TMEM170A: variants seen among roughly 807,000 people sequenced by gnomAD.
TMEM170A encodes the protein transmembrane protein 170A, also known as transmembrane protein 170.
Under a neutral mutation model 12.8 loss-of-function variants are expected in TMEM170A, and 18 were observed. That is an observed-to-expected ratio of 1.41 (90% CI 0.97 to 2.09). The LOEUF is 2.09. TMEM170A is among the 30% of genes most tolerant of loss of function. The pLI, the probability that TMEM170A is intolerant of heterozygous loss-of-function variation, is 0.00. For synonymous variants in TMEM170A, 107 were observed against 76.2 expected (o/e 1.40, Z -2.11); for missense variants, 220 against 179.9 (o/e 1.22, Z -1.28).
intron 1 of TMEM170A, chr16:75,464,165 G>A (rs1418599753): frequency 9.7e-6 from 14 of 1,448,714 alleles, no homozygotes; most frequent in Middle Eastern, 2.4e-4. Flanking sequence ...TGAACCTGAG[G>A]CGCTCGGAAG....
At chr16:75,458,355 A>C (rs1437547870) in intron 1 of TMEM170A, 1 of 152,242 alleles carries the variant, frequency 6.6e-6, no homozygotes, top group Non-Finnish European at 1.5e-5. Context: ...AGATTAACCC[A>C]CATGGGAAAA....
At chr16:75,459,472 T>C (rs541236813) in intron 1 of TMEM170A, among the ~76,000 whole-genome samples, 2 of 152,308 alleles carry the variant, frequency 1.3e-5, no homozygotes, top group East Asian at 3.9e-4. Context: ...TCTCATCTTG[T>C]GTTTCAGTGA....
chr16:75,463,189 G>A lies in TMEM170A; in HGVS notation c.133+1279C>T, dbSNP rs141418119. Among the ~76,000 whole-genome samples the A allele has an allele frequency of 6.5e-3, 984 of 152,252 alleles. 8 individuals are homozygous for A. The highest frequency in any genetic ancestry group is 0.017 in the Middle Eastern group (5 of 294). ...TGTTTGGCAGGCTTGACATTTTTCAGGAAAGGGGAAAATTAAGGAAACAAA... is the reference window on the plus strand; with the variant it reads ...TGTTTGGCAGGCTTGACATTTTTCAAGAAAGGGGAAAATTAAGGAAACAAA... On this transcript the variant is annotated intron_variant, in intron 1 of 2. Coordinates refer to ENST00000561878, the MANE Select transcript of TMEM170A (RefSeq NM_145254.3).
At chr16:75,463,460 A>C (rs572338063) in intron 1 of TMEM170A, among the ~76,000 whole-genome samples, 2 of 152,194 alleles carry the variant, frequency 1.3e-5, no homozygotes, top group Non-Finnish European at 2.9e-5. Context: ...CCCTGGGCAC[A>C]TAACACTGCA....
At chr16:75,451,949 CCTT>C (rs2079695215) in intron 1 of TMEM170A, 110 bp from the exon 2 acceptor site, 1 of 1,071,730 alleles carries the variant, frequency 9.3e-7, no homozygotes, top group South Asian at 1.8e-5. Flanking sequence ...TTTCTTTTTT[CCTT>C]TTTTTTGAAA....
At position 75,445,885 on chromosome 16, in the gene TMEM170A, G is replaced by A. The variant is rs1258584635; in HGVS notation, c.*1673C>T. ...ACAATGAAAACTTTCCTTTAAAGAT[G>A]TCAGATTTATGGCCAGGCGCGGTGG... is the stretch of plus-strand genomic sequence containing the variant. On this transcript the variant is annotated 3_prime_UTR_variant, in exon 3 of 3. Transcript: ENST00000561878. The A allele has an allele frequency of 1.3e-5, 2 of 152,126 alleles. No homozygotes were observed. Among genetic ancestry groups the A allele is most frequent in the African/African-American group, 4.8e-5 (2 of 41,438 alleles). The allele number at this position is 152,126 out of a possible 1,614,324, so 9.4% of individuals were successfully genotyped here.
At position 75,443,312 on chromosome 16, in the gene TMEM170A, A is replaced by T. The variant is rs2079532123; in HGVS notation, c.*4246T>A. ...AAATGTCAGTAGAAAAATAAAATTT[A>T]AATAATTTTCTATTGTACAAAGATT... On this transcript the variant is annotated 3_prime_UTR_variant, in exon 3 of 3. Transcript: ENST00000561878. The T allele has an allele frequency of 6.6e-6, 1 of 152,238 alleles. No individual in the cohort carries two copies. 9.4% of individuals were successfully genotyped at this position (152,238 alleles called of 1,614,324 possible).
Position 75,464,639 on chromosome 16 carries a change from C to A in TMEM170A, c.-39G>T, listed in dbSNP as rs570975426. 6.4e-7 allele frequency: 1 copy of A among 1,553,062 alleles called. No individual in the cohort carries two copies. The highest frequency in any genetic ancestry group is 8.7e-7 in the Non-Finnish European group (1 of 1,155,422). ...ACCACAGAGAAATGAGGGACGAGCG[C>A]CCGAAGTGCGGTAGCGGCCGGCGCC... On this transcript the variant is annotated 5_prime_UTR_variant, in exon 1 of 3. Transcript: ENST00000561878.
chr16:75,456,538 T>G (rs2079801121), intron 1 of TMEM170A, among the ~76,000 whole-genome samples: 2 of 152,168 alleles, frequency 1.3e-5, no homozygotes. Flanking sequence ...CAATCAGAAA[T>G]TGAGGGCAGG....
In TMEM170A at chr16:75,464,509, C is replaced by G; in HGVS notation, c.92G>C (p.Gly31Ala). The change falls in exon 1 of 3, where the codon GGG becomes GCG. Residue 31 changes from glycine (G) to alanine (A), a missense_variant. Physicochemically the swap from Gly to Ala is moderately conservative, Grantham distance 60. Coordinates refer to ENST00000561878, the MANE Select transcript of TMEM170A (RefSeq NM_145254.3). The stretch of plus-strand genomic sequence containing the variant: ...GGAAGTAGAGTTGGGGCACAGGGTC[C>G]CGTTGCCCACCCGCGGCACAACCTT... ...SLKVVPRVGN[G>A]TLCPNSTSLC... 1 of 1,584,736 alleles carries G rather than the reference C, an allele frequency of 6.3e-7. No homozygotes were observed. The highest frequency in any genetic ancestry group is 8.6e-7 in the Non-Finnish European group (1 of 1,168,192).
chr16:75,454,318 G>C (rs2151637154), intron 1 of TMEM170A, among the ~76,000 whole-genome samples: 1 of 152,254 alleles, frequency 6.6e-6, no homozygotes, highest in African/African-American at 2.4e-5. Flanking sequence ...AAGCACAGAG[G>C]CTTTATAAGA....
intron 1 of TMEM170A, among the ~76,000 whole-genome samples, chr16:75,460,547 C>T (rs1486560904): frequency 6.6e-6 from 1 of 152,152 alleles, no homozygotes; most frequent in African/African-American, 2.4e-5. Context: ...TCATTACTCA[C>T]TTTCTTCAGA....
intron 1 of TMEM170A, among the ~76,000 whole-genome samples, chr16:75,457,449 C>A (rs2079820144): frequency 6.6e-6 from 1 of 152,198 alleles, no homozygotes; most frequent in Admixed American, 6.5e-5. Context: ...CTCTCTCTCT[C>A]TGCCATGTGA....
chr16:75,449,612 C>T (rs895761180), intron 2 of TMEM170A, among the ~76,000 whole-genome samples: 1 of 152,184 alleles, frequency 6.6e-6, no homozygotes, highest in Non-Finnish European at 1.5e-5. Context: ...AGCCACCATG[C>T]CTGGCACATT....
intron 1 of TMEM170A, among the ~76,000 whole-genome samples, chr16:75,462,632 A>G (rs1341824325): frequency 2.7e-4 from 41 of 152,232 alleles, no homozygotes; most frequent in Admixed American, 2.3e-3. Context: ...CTAGATTGTA[A>G]AACAGTCTAT....
intron 2 of TMEM170A, among the ~76,000 whole-genome samples, chr16:75,450,560 T>C (rs1216801993): frequency 6.6e-6 from 1 of 152,196 alleles, no homozygotes; most frequent in Non-Finnish European, 1.5e-5. Context: ...AAAACAAGCC[T>C]GAAAATAATT....
At position 75,451,782 on chromosome 16, in the gene TMEM170A, G is replaced by T; in HGVS notation, c.191C>A (p.Pro64His). Residue 64 changes from proline to histidine, a missense_variant, in exon 2 of 3, where the codon CCT becomes CAT. Coordinates refer to ENST00000561878, the MANE Select transcript of TMEM170A (RefSeq NM_145254.3). ...GGTGAAGAGGGCCAGTAATCCAGCA[G>T]GGACATGAAAGAAGAGAGAAGACAC... ...ALVSSLFFHVPAGLLALFTLR... is the reference protein window; with the variant it reads ...ALVSSLFFHVHAGLLALFTLR... 1 of 1,614,038 alleles carries T rather than the reference G, an allele frequency of 6.2e-7. No individual in the cohort carries two copies. Among genetic ancestry groups the T allele is most frequent in the South Asian group, 1.1e-5 (1 of 91,076 alleles).
intron 1 of TMEM170A, chr16:75,458,678 G>A (rs72787197): frequency 0.024 from 3,653 of 152,226 alleles, 68 homozygotes; most frequent in South Asian, 0.083. Flanking sequence ...ATAACTGTAA[G>A]ACAATAAAAT....
At chr16:75,448,174 T>A (rs1010847556) in intron 2 of TMEM170A, among the ~76,000 whole-genome samples, 1 of 152,146 alleles carries the variant, frequency 6.6e-6, no homozygotes, top group Non-Finnish European at 1.5e-5. Flanking sequence ...CACTCATAGT[T>A]CCCTTCAAGA....
Sources: allele counts gnomAD v4.1 joint callset (sites outside exome capture counted in the v4.1 genomes callset), GRCh38; gene constraint gnomAD v4.1.1; transcripts MANE v1.5; gene names NCBI Gene and HGNC (gene_info 2026-07-23, HGNC 2026-07-21).